The following BPI variants were observed in gnomAD, a reference collection of about 807,000 sequenced individuals.
BPI encodes the protein bactericidal permeability-increasing protein.
In BPI, 48 loss-of-function variants were observed where a neutral mutation model predicts 57.6. That is an observed-to-expected ratio of 0.83 (90% CI 0.66 to 1.06). BPI has a LOEUF of 1.06. Ranked by LOEUF, BPI falls within the 50% of genes least tolerant of loss-of-function variation. The pLI is 0.00. For synonymous variants in BPI, 237 were observed against 238.2 expected (o/e 0.99, Z 0.05); for missense variants, 651 against 609.7 (o/e 1.07, Z -0.71).
At chr20:38,317,745 G>A (rs1040412311) in intron 5 of BPI, 9 of 1,174,536 alleles carry the variant, frequency 7.7e-6, no homozygotes, top group Non-Finnish European at 1.1e-5. Flanking sequence ...AATGTAATTT[G>A]CCATGTTCCG....
chr20:38,311,018 A>G (rs185656662), intron 4 of BPI, among the ~76,000 whole-genome samples: 18 of 152,348 alleles, frequency 1.2e-4, no homozygotes, highest in African/African-American at 4.3e-4. Context: ...CTCGTGCAAC[A>G]TGGTCAGGAA....
chr20:38,314,653 GGAT>G (rs2076642540), intron 5 of BPI, among the ~76,000 whole-genome samples: 1 of 109,938 alleles, frequency 9.1e-6, no homozygotes, highest in African/African-American at 3.6e-5. Flanking sequence ...GTGATGGTGG[GGAT>G]GATGATAATG....
intron 12 of BPI, among the ~76,000 whole-genome samples, chr20:38,331,351 A>G (rs886914627): frequency 1.3e-5 from 2 of 152,230 alleles, no homozygotes; most frequent in African/African-American, 2.4e-5. Flanking sequence ...TGAGTGTAGT[A>G]TGGTTTAAAT....
rs1259329238 is a variant in BPI at position 38,334,417 on chromosome 20, C to T, written c.1273-13C>T. On this transcript the variant is annotated splice_polypyrimidine_tract_variant and intron_variant, in intron 12 of 14. Coordinates refer to ENST00000642449, the MANE Select transcript of BPI (RefSeq NM_001725.3). Reference sequence around the variant, plus strand: ...ATGCAGGGCCATCCTCCCATCCTCCCTCTGATTTCCAGGTTGAATTGCTGC... The same window carrying T: ...ATGCAGGGCCATCCTCCCATCCTCCTTCTGATTTCCAGGTTGAATTGCTGC... 3 of 1,612,762 alleles carry T rather than the reference C, an allele frequency of 1.9e-6. No individual in the cohort carries two copies. Among genetic ancestry groups the T allele is most frequent in the Admixed American group, 1.7e-5 (1 of 60,006 alleles).
Position 38,326,287 on chromosome 20 carries a change from T to G in BPI, c.1016T>G (p.Met339Arg). The change falls in exon 10 of 15, where the codon ATG (methionine) becomes AGG (arginine). Residue 339 changes from methionine to arginine, a missense_variant. Coordinates refer to ENST00000642449, the MANE Select transcript of BPI (RefSeq NM_001725.3). Reference sequence around the variant, plus strand: ...CAGGTGGCCAAGAAGTTTCCCAACATGAAGATACAGATCCATGTCTCAGCC... The same window carrying G: ...CAGGTGGCCAAGAAGTTTCCCAACAGGAAGATACAGATCCATGTCTCAGCC... ...LPEVAKKFPN[M>R]KIQIHVSAST... 1 of 1,613,412 alleles carries G rather than the reference T, an allele frequency of 6.2e-7. No homozygotes were observed.
chr20:38,330,822 T>C (rs1232115540), intron 11 of BPI, among the ~76,000 whole-genome samples: 2 of 152,196 alleles, frequency 1.3e-5, no homozygotes, highest in African/African-American at 4.8e-5. Flanking sequence ...TGCCCTTTGG[T>C]CAGCATGGCC....
At position 38,304,247 on chromosome 20, in the gene BPI, G is replaced by A. The variant is rs752140183; in HGVS notation, c.24G>A (p.Ala8=). ...ACATGGCCAGGGGCCCTTGCAACGC[G>A]CCGAGATGGGCGTCCCTGATGGTGC... is the stretch of plus-strand genomic sequence containing the variant. MARGPCN[A]PRWASLMVLV... The change falls in exon 1 of 15, where the codon GCG becomes GCA. Residue 8 remains alanine, a synonymous_variant. Coordinates refer to ENST00000642449, the MANE Select transcript of BPI (RefSeq NM_001725.3). 20 of 1,614,030 alleles carry A rather than the reference G, an allele frequency of 1.2e-5. No homozygotes were observed. The highest frequency in any genetic ancestry group is 6.7e-5 in the East Asian group (3 of 44,884).
intron 5 of BPI, among the ~76,000 whole-genome samples, chr20:38,316,426 G>T (rs1318040723): frequency 2.0e-5 from 3 of 152,212 alleles, no homozygotes; most frequent in Non-Finnish European, 4.4e-5. Flanking sequence ...AGGCAGCTGG[G>T]TCCCCAGGCT....
chr20:38,326,395 C>G lies in BPI; in HGVS notation c.1124C>G (p.Pro375Arg). 2 of 1,614,102 alleles carry G rather than the reference C, an allele frequency of 1.2e-6. No individual in the cohort carries two copies. Among genetic ancestry groups the G allele is most frequent in the Non-Finnish European group, 1.7e-6 (2 of 1,180,000 alleles). The change falls in exon 10 of 15, where the codon CCC becomes CGC. Residue 375 changes from proline (P) to arginine (R), a missense_variant. Transcript: ENST00000642449. ...GATGTCCAGGCCTTTGCCGTCCTCC[C>G]CAACTCCTCCCTGGCTTCCCTCTTC... Reference protein sequence around the residue: ...AVDVQAFAVLPNSSLASLFLI... With the variant: ...AVDVQAFAVLRNSSLASLFLI...
chr20:38,330,183 AT>A (rs1478458653), intron 11 of BPI, among the ~76,000 whole-genome samples: 2 of 151,932 alleles, frequency 1.3e-5, no homozygotes, highest in African/African-American at 4.8e-5. Flanking sequence ...GTGAGCTGTG[AT>A]TTTGCTGTGT....
rs187634281 is a variant in BPI at position 38,336,658 on chromosome 20, C to T, written c.1414-488C>T. ...TAGACCAGGGAGCTAATTAATGGGGCTGAGAGACTGTAGAAAAATAACCAA... is the reference window on the plus strand; with the variant it reads ...TAGACCAGGGAGCTAATTAATGGGGTTGAGAGACTGTAGAAAAATAACCAA... On this transcript the variant is annotated intron_variant, in intron 14 of 14. Coordinates refer to ENST00000642449, the MANE Select transcript of BPI (RefSeq NM_001725.3). 2.3e-3 allele frequency among the ~76,000 whole-genome samples: 345 copies of T among 152,214 alleles called. 1 individual carries two copies. The highest frequency in any genetic ancestry group is 7.8e-3 in the African/African-American group (325 of 41,524).
rs774090383 is a variant in BPI at position 38,318,434 on chromosome 20, T to C, written c.622T>C (p.Ser208Pro). The change falls in exon 6 of 15, where the codon TCT (serine) becomes CCT (proline). Residue 208 changes from serine to proline, a missense_variant. Transcript: ENST00000642449. ...NSQVCEKVTNSVSSELQPYFQ... is the reference protein window; with the variant it reads ...NSQVCEKVTNPVSSELQPYFQ... ...CCAGGTCTGCGAGAAAGTGACCAAT[T>C]CTGTATCCTCCGAGCTGCAACCTTA... 6.2e-7 allele frequency: 1 copy of C among 1,613,940 alleles called. No individual in the cohort carries two copies.
chr20:38,318,639 T>A (rs751455741), intron 6 of BPI, among the ~76,000 whole-genome samples, 163 bp downstream of exon 6: 1 of 152,030 alleles, frequency 6.6e-6, no homozygotes, highest in Non-Finnish European at 1.5e-5. Context: ...TAGCATTGGG[T>A]CAAGTCCTTG....
chr20:38,326,235 T>C (rs2076712260), intron 9 of BPI, 30 bp from the exon 10 acceptor site: 6 of 1,590,544 alleles, frequency 3.8e-6, no homozygotes, highest in Non-Finnish European at 5.1e-6. Flanking sequence ...AACTCCTCCT[T>C]TCGTTGATTG....
intron 11 of BPI, among the ~76,000 whole-genome samples, chr20:38,328,259 T>G (rs1445153059): frequency 2.0e-5 from 3 of 152,132 alleles, no homozygotes; most frequent in African/African-American, 7.2e-5. Flanking sequence ...GACTGTCAAA[T>G]AAGCCCAGTA....
intron 14 of BPI, among the ~76,000 whole-genome samples, chr20:38,336,705 C>T (rs879319800): frequency 6.6e-6 from 1 of 152,048 alleles, no homozygotes. Flanking sequence ...AAACACATAC[C>T]GCATATTCCT....
intron 12 of BPI, 101 bp from the exon 13 acceptor site, chr20:38,334,329 T>C: frequency 2.5e-6 from 3 of 1,178,058 alleles, no homozygotes; most frequent in Non-Finnish European, 1.3e-6. Context: ...TGAGCAGCGC[T>C]AGGGGAAAGG....
intron 7 of BPI, 130 bp from the exon 8 acceptor site, chr20:38,323,740 A>G: frequency 9.9e-7 from 1 of 1,008,748 alleles, no homozygotes; most frequent in Non-Finnish European, 1.4e-6. Flanking sequence ...TGCTACTGTT[A>G]GTTTCTGGTC....
intron 12 of BPI, among the ~76,000 whole-genome samples, chr20:38,334,170 T>A (rs1299698538): frequency 1.3e-5 from 2 of 152,248 alleles, no homozygotes; most frequent in African/African-American, 4.8e-5. Context: ...TCGTGAGTTG[T>A]AAGGCCTTGC....
Sources: allele counts gnomAD v4.1 joint callset (sites outside exome capture counted in the v4.1 genomes callset), GRCh38; gene constraint gnomAD v4.1.1; transcripts MANE v1.5; gene names NCBI Gene and HGNC (gene_info 2026-07-23, HGNC 2026-07-21).